PLEKHA1: variants seen among roughly 807,000 people sequenced by gnomAD.
PLEKHA1 encodes the protein pleckstrin homology domain-containing family A member 1.
A neutral mutation model predicts 52.0 loss-of-function variants in PLEKHA1; 34 were observed. That is an observed-to-expected ratio of 0.65 (90% CI 0.50 to 0.87). The LOEUF (loss-of-function observed/expected upper bound fraction) is 0.87. Among genes scored for constraint, PLEKHA1 ranks in the 40% least tolerant of loss-of-function variants. The pLI is 0.00. For missense variants in PLEKHA1, 497 were observed against 504.2 expected, an observed-to-expected ratio of 0.99 and a Z score of 0.14; for synonymous variants, 163 against 170.7, an observed-to-expected ratio of 0.95 and a Z score of 0.35.
chr10:122,389,674 C>T (rs985289292), intron 1 of PLEKHA1, among the ~76,000 whole-genome samples: 4 of 152,076 alleles, frequency 2.6e-5, no homozygotes, highest in Non-Finnish European at 4.4e-5. Flanking sequence ...TGCGCCACCA[C>T]TCTAGCCTGG....
At chr10:122,428,485 GT>G (rs1253218056) in intron 11 of PLEKHA1, 2 of 1,266,794 alleles carry the variant, frequency 1.6e-6, no homozygotes, top group East Asian at 3.0e-5. Context: ...AACGCAAACT[GT>G]TTCACTGTAG....
the PLEKHA1 span, chr10:122,441,565 T>G: frequency 6.6e-6 from 1 of 152,220 alleles, no homozygotes; most frequent in Non-Finnish European, 1.5e-5. Context: ...AGGATGGCCT[T>G]TGTTACATAG....
At chr10:122,441,197 T>G in the PLEKHA1 span, 2 of 152,166 alleles carry the variant, frequency 1.3e-5, no homozygotes, top group African/African-American at 4.8e-5. Flanking sequence ...CGGCTGGGCA[T>G]GGTTGCTCAC....
At chr10:122,401,456 A>G (rs1286846107) in intron 4 of PLEKHA1, among the ~76,000 whole-genome samples, 3 of 152,012 alleles carry the variant, frequency 2.0e-5, no homozygotes. Flanking sequence ...GGAAGGGTGA[A>G]AAGAAGGAAA....
At chr10:122,428,332 T>C (rs2097369957) in intron 11 of PLEKHA1, 1 of 1,546,532 alleles carries the variant, frequency 6.5e-7, no homozygotes, top group South Asian at 1.2e-5. Flanking sequence ...CATCAAGAGC[T>C]GGTGAATGCA....
intron 1 of PLEKHA1, among the ~76,000 whole-genome samples, chr10:122,379,248 C>G (rs944433414): frequency 1.3e-5 from 2 of 152,056 alleles, no homozygotes; most frequent in Non-Finnish European, 2.9e-5. Context: ...CTCTCTGCAG[C>G]GAGATATTTT....
downstream of PLEKHA1, chr10:122,434,724 C>A (rs71486613): frequency 8.4e-6 from 1 of 119,130 alleles, no homozygotes; most frequent in Non-Finnish European, 1.7e-5. Flanking sequence ...CCCCCTCCCC[C>A]CACCCCCCAA....
intron 4 of PLEKHA1, among the ~76,000 whole-genome samples, chr10:122,403,844 A>G (rs2096966115): frequency 6.6e-6 from 1 of 152,096 alleles, no homozygotes. Flanking sequence ...GGTGCCCACC[A>G]CCACGCCTGG....
chr10:122,437,135 A>G (rs1198920871), downstream of PLEKHA1: 2 of 151,366 alleles, frequency 1.3e-5, no homozygotes, highest in African/African-American at 2.4e-5. Flanking sequence ...TGACTTCTAC[A>G]TACGTCATGC....
At chr10:122,420,414 C>T (rs1305299993) in intron 8 of PLEKHA1, 1 of 152,140 alleles carries the variant, frequency 6.6e-6, no homozygotes, top group Admixed American at 6.5e-5. Flanking sequence ...TGCATATACC[C>T]ATCACCTAGA....
intron 1 of PLEKHA1, among the ~76,000 whole-genome samples, chr10:122,379,249 G>T (rs561121371): frequency 6.6e-6 from 1 of 152,196 alleles, no homozygotes; most frequent in South Asian, 2.1e-4. Flanking sequence ...TCTCTGCAGC[G>T]AGATATTTTG....
chr10:122,401,182 G>A (rs767192702), intron 4 of PLEKHA1, among the ~76,000 whole-genome samples: 26 of 151,982 alleles, frequency 1.7e-4, no homozygotes, highest in Non-Finnish European at 2.6e-4. Context: ...AAGCTAGAGG[G>A]TATGATAAAT....
At chr10:122,415,791 G>T in intron 6 of PLEKHA1, 68 bp from the exon 7 acceptor site, 1 of 1,424,566 alleles carries the variant, frequency 7.0e-7, no homozygotes. Context: ...ATTTTCTACT[G>T]GGATAATATG....
rs35620141 is a variant in PLEKHA1, at chr10:122,429,494, T to TTGTGTGTGTGTG, written c.901-104_901-93dup. 1.6e-3 allele frequency: 1,034 copies of TTGTGTGTGTGTG among 655,868 alleles called. 2 individuals are homozygous for TTGTGTGTGTGTG. The highest frequency in any genetic ancestry group is 0.01 in the African/African-American group (532 of 52,834). 40.6% of individuals were successfully genotyped at this position (655,868 alleles called of 1,614,324 possible). On this transcript the variant is annotated intron_variant, in intron 11 of 11. Transcript: ENST00000368990. The stretch of plus-strand genomic sequence containing the variant: ...TGCTGCATGGCTTCTGCTGCTGCCT[T>TTGTGTGTGTGTG]TGTGTGTGTGTGTGTGTGTGTGTGT...
chr10:122,424,171 G>GGTT lies in PLEKHA1; in HGVS notation c.682-28_682-27insGTT. 4 of 953,374 alleles carry GGTT rather than the reference G, an allele frequency of 4.2e-6. No homozygotes were observed. In the East Asian group the frequency reaches 1.6e-4, roughly 38 times the overall value. The allele number at this position is 953,374 out of a possible 1,614,324, so 59.1% of individuals were successfully genotyped here. On this transcript the variant is annotated intron_variant, in intron 8 of 11. Coordinates refer to ENST00000368990, the MANE Select transcript of PLEKHA1 (RefSeq NM_001001974.4). ...TTTTAAGAATAAACATCATGTAACT[G>GGTT]TTTTTTTTTTTTTTTTTTTTTTGCC...
chr10:122,395,590 T>TA (rs888563899), intron 2 of PLEKHA1, among the ~76,000 whole-genome samples: 6 of 151,972 alleles, frequency 3.9e-5, no homozygotes, highest in Non-Finnish European at 8.8e-5. Context: ...TTTGAATTAC[T>TA]AAAAAAATGG....
At chr10:122,392,542 A>G (rs950627295) in intron 1 of PLEKHA1, among the ~76,000 whole-genome samples, 1 of 152,144 alleles carries the variant, frequency 6.6e-6, no homozygotes, top group Non-Finnish European at 1.5e-5. Flanking sequence ...TAACAATTCA[A>G]GGGTTTTTTA....
At chr10:122,398,565 G>C (rs777400966) in intron 3 of PLEKHA1, among the ~76,000 whole-genome samples, 3 of 150,458 alleles carry the variant, frequency 2.0e-5, no homozygotes, top group Non-Finnish European at 3.0e-5. Flanking sequence ...AGGGAACTAA[G>C]TGATGCTGAG....
chr10:122,413,093 TG>T, intron 6 of PLEKHA1, 48 bp downstream of exon 6: 1 of 1,493,010 alleles, frequency 6.7e-7, no homozygotes, highest in Non-Finnish European at 9.1e-7. Flanking sequence ...TATTGTATAT[TG>T]ATTTTTATAT....
Sources: gnomAD v4.1 joint callset for allele counts (sites outside exome capture counted in the v4.1 genomes callset) on GRCh38, gnomAD v4.1.1 for gene constraint, MANE v1.5 for transcripts, NCBI Gene and HGNC (gene_info 2026-07-23, HGNC 2026-07-21) for gene names.